Variants in ITGA1 observed in about 807,000 individuals in gnomAD.
ITGA1 encodes integrin subunit alpha 1.
A neutral mutation model predicts 145.9 loss-of-function variants in ITGA1; 85 were observed. That is an observed-to-expected ratio of 0.58 (90% CI 0.49 to 0.70). The LOEUF is 0.70. Among genes scored for constraint, ITGA1 ranks in the 30% least tolerant of loss-of-function variants. The pLI, the probability that ITGA1 is intolerant of heterozygous loss-of-function variation, is 0.00. For synonymous variants in ITGA1, 520 were observed against 495.3 expected, an observed-to-expected ratio of 1.05 and a Z score of -0.66; for missense variants, 1,351 against 1,418.7, an observed-to-expected ratio of 0.95 and a Z score of 0.77.
chr5:52,881,874 T>C lies in ITGA1; in HGVS notation c.626T>C (p.Val209Ala). 1 of 1,603,418 alleles carries C rather than the reference T, an allele frequency of 6.2e-7. No individual in the cohort carries two copies. The highest frequency in any genetic ancestry group is 8.5e-7 in the Non-Finnish European group (1 of 1,175,028). Residue 209 changes from valine to alanine, a missense_variant and splice_region_variant, in exon 7 of 29, where the codon GTT (valine) becomes GCT (alanine). Physicochemically the swap from Val to Ala is moderately conservative, Grantham distance 64 (BLOSUM62 0). Transcript: ENST00000282588. ...RMDIGPKQTQ[V>A]GIVQYGENVT... The stretch of plus-strand genomic sequence containing the variant: ...ACTCACAGTGGCTTGGTATTTCAGG[T>C]TGGAATTGTACAGTATGGAGAAAAC...
intron 2 of ITGA1, among the ~76,000 whole-genome samples, chr5:52,854,581 T>A (rs1479175983): frequency 1.3e-5 from 2 of 152,078 alleles, no homozygotes; most frequent in Admixed American, 1.3e-4. Context: ...ACTCTGAGAG[T>A]GACTTTGGCT....
intron 2 of ITGA1, among the ~76,000 whole-genome samples, chr5:52,859,114 G>A (rs1238094686): frequency 6.6e-6 from 1 of 152,094 alleles, no homozygotes; most frequent in East Asian, 1.9e-4. Context: ...AAGCCTAGCT[G>A]CCATTATCAG....
At chr5:52,893,187 C>G (rs1330919889) in intron 8 of ITGA1, among the ~76,000 whole-genome samples, 1 of 152,054 alleles carries the variant, frequency 6.6e-6, no homozygotes, top group Admixed American at 6.6e-5. Context: ...ATTTAGATTA[C>G]CACTTAGTCC....
intron 23 of ITGA1, among the ~76,000 whole-genome samples, chr5:52,937,148 A>G (rs1166054862): frequency 2.0e-5 from 3 of 152,150 alleles, no homozygotes; most frequent in African/African-American, 4.8e-5. Context: ...TCCTAGGTCT[A>G]TTAAGAGAAT....
At chr5:52,842,022 C>T (rs927867805) in intron 1 of ITGA1, among the ~76,000 whole-genome samples, 5 of 152,074 alleles carry the variant, frequency 3.3e-5, no homozygotes, top group South Asian at 4.1e-4. Context: ...TGGTTCAGGT[C>T]GGTGAATTCC....
At chr5:52,836,806 G>A (rs1355202133) in intron 1 of ITGA1, among the ~76,000 whole-genome samples, 2 of 152,074 alleles carry the variant, frequency 1.3e-5, no homozygotes, top group Non-Finnish European at 2.9e-5. Flanking sequence ...TGATTTCATT[G>A]TTGAAATAGT....
At chr5:52,927,532 T>C (rs1467674682) in intron 19 of ITGA1, 52 bp from the exon 20 acceptor site, 9 of 1,256,842 alleles carry the variant, frequency 7.2e-6, no homozygotes, top group Non-Finnish European at 1.0e-5. Context: ...AGAACACGTA[T>C]CAATATTTCA....
In ITGA1 at chr5:52,918,833, G is replaced by T; in HGVS notation, c.2090G>T (p.Cys697Phe). 6.2e-7 allele frequency: 1 copy of T among 1,612,692 alleles called. No homozygotes were observed. Among genetic ancestry groups the T allele is most frequent in the Non-Finnish European group, 8.5e-7 (1 of 1,179,268 alleles). ...NCHMEGKETV[C>F]INATVCFDVK... ...CATATGGAGGGAAAGGAAACAGTAT[G>T]CATAAATGCTACAGTGTGTTTTGAT... The change falls in exon 16 of 29, where the codon TGC becomes TTC. Residue 697 changes from cysteine (C) to phenylalanine (F), a missense_variant. Cys to Phe is a radical substitution (Grantham distance 205). Transcript: ENST00000282588.
intron 2 of ITGA1, among the ~76,000 whole-genome samples, chr5:52,856,063 A>G (rs1299178489): frequency 1.3e-5 from 2 of 152,268 alleles, no homozygotes; most frequent in East Asian, 1.9e-4. Flanking sequence ...AATTATCACC[A>G]TATCCTAAGT....
At chr5:52,921,289 T>C (rs1170209241) in intron 17 of ITGA1, among the ~76,000 whole-genome samples, 4 of 152,212 alleles carry the variant, frequency 2.6e-5, no homozygotes, top group Non-Finnish European at 2.9e-5. Context: ...CCAATTTTCC[T>C]ACTTCTGACT....
Position 52,918,755 on chromosome 5 carries a change from A to G in ITGA1, c.2012A>G (p.Lys671Arg). The G allele has an allele frequency of 6.2e-7, 1 of 1,611,386 alleles. No homozygotes were observed. Among genetic ancestry groups the G allele is most frequent in the Non-Finnish European group, 8.5e-7 (1 of 1,179,098 alleles). Residue 671 changes from lysine to arginine, a missense_variant, in exon 16 of 29, where the codon AAA becomes AGA. Transcript: ENST00000282588. ...LFWSRDVAVVKVTMNFEPNKV... is the reference protein window; with the variant it reads ...LFWSRDVAVVRVTMNFEPNKV... ...AGGTCCCGAGATGTGGCCGTAGTTA[A>G]AGTGACCATGAATTTTGAGCCAAAT...
chr5:52,897,187 A>T (rs1248660284), intron 9 of ITGA1, among the ~76,000 whole-genome samples: 2 of 152,120 alleles, frequency 1.3e-5, no homozygotes, highest in Non-Finnish European at 2.9e-5. Context: ...ACAGTATAAG[A>T]ATGGAGATTT....
chr5:52,880,402 G>T (rs912695560), intron 6 of ITGA1, among the ~76,000 whole-genome samples: 1 of 151,920 alleles, frequency 6.6e-6, no homozygotes, highest in African/African-American at 2.4e-5. Context: ...TACTCTAGAG[G>T]GTAACTCAAA....
intron 8 of ITGA1, among the ~76,000 whole-genome samples, chr5:52,888,417 G>T (rs189097299): frequency 6.6e-6 from 1 of 152,124 alleles, no homozygotes; most frequent in African/African-American, 2.4e-5. Flanking sequence ...TCCCTTCCCC[G>T]TCTGAGCAAT....
intron 1 of ITGA1, among the ~76,000 whole-genome samples, chr5:52,817,202 A>T (rs1226620101): frequency 6.6e-6 from 1 of 152,216 alleles, no homozygotes; most frequent in Non-Finnish European, 1.5e-5. Context: ...TGTAAAAGTC[A>T]GTTGAGTTTA....
intron 24 of ITGA1, 62 bp from the exon 25 acceptor site, chr5:52,939,528 C>A: frequency 1.9e-6 from 2 of 1,074,404 alleles, no homozygotes; most frequent in Non-Finnish European, 2.8e-6. Flanking sequence ...ACTACTGCAG[C>A]AAGTCATGTT....
chr5:52,937,660 A>AT lies in ITGA1; in HGVS notation c.3078+147dup, dbSNP rs1417792221. 1.9e-5 allele frequency: 12 copies of AT among 631,550 alleles called. No individual in the cohort carries two copies. In the East Asian group the frequency reaches 3.2e-4, roughly 17 times the overall value. The allele number at this position is 631,550 out of a possible 1,614,324, so 39.1% of individuals were successfully genotyped here. ...TTTAGATAATTAAAAGCAAATAATAATAGATGTATTATTCCCTAGAGCTGC... is the reference window on the plus strand; with the variant it reads ...TTTAGATAATTAAAAGCAAATAATAATTAGATGTATTATTCCCTAGAGCTGC... On this transcript the variant is annotated intron_variant, in intron 24 of 28. Transcript: ENST00000282588.
intron 1 of ITGA1, among the ~76,000 whole-genome samples, chr5:52,847,871 TAGG>T (rs1331018596): frequency 2.6e-5 from 4 of 152,148 alleles, no homozygotes; most frequent in African/African-American, 7.2e-5. Context: ...TAGTTACATC[TAGG>T]AGAAGAATAT....
chr5:52,789,805 C>T (rs892734752), intron 1 of ITGA1, among the ~76,000 whole-genome samples: 1 of 152,142 alleles, frequency 6.6e-6, no homozygotes, highest in African/African-American at 2.4e-5. Context: ...TTTCATTCTA[C>T]CAAATAAGCA....
Sources: gnomAD v4.1 joint callset for allele counts (sites outside exome capture counted in the v4.1 genomes callset) on GRCh38, gnomAD v4.1.1 for gene constraint, MANE v1.5 for transcripts, NCBI Gene and HGNC (gene_info 2026-07-23, HGNC 2026-07-21) for gene names.